MRPL1: variants seen among roughly 807,000 people sequenced by gnomAD.
MRPL1 encodes large ribosomal subunit protein uL1m.
Under a neutral mutation model 38.0 loss-of-function variants are expected in MRPL1, and 28 were observed. The ratio of observed to expected loss-of-function variants is 0.74; its 90% confidence interval spans 0.55 to 1.01. MRPL1 has a LOEUF of 1.01. Among genes scored for constraint, MRPL1 ranks in the 50% least tolerant of loss-of-function variants. The probability of loss-of-function intolerance (pLI) is 0.00; values close to 1 mark genes in which losing one functional copy is unlikely to be tolerated. For missense variants in MRPL1, 358 were observed against 389.8 expected (o/e 0.92, Z 0.69); for synonymous variants, 123 against 126.7 (o/e 0.97, Z 0.20).
chr4:77,886,535 C>T (rs886980384), intron 4 of MRPL1, among the ~76,000 whole-genome samples: 11 of 151,962 alleles, frequency 7.2e-5, no homozygotes, highest in Non-Finnish European at 1.6e-4. Context: ...GGTTTCTCCA[C>T]GTTGGTCAGG....
chr4:77,889,517 C>T (rs1266171928), intron 5 of MRPL1, among the ~76,000 whole-genome samples: 1 of 152,112 alleles, frequency 6.6e-6, no homozygotes, highest in East Asian at 1.9e-4. Flanking sequence ...TAAATGCCCA[C>T]AAGAGAAAGC....
At chr4:77,873,888 AC>A (rs987671286) in intron 2 of MRPL1, among the ~76,000 whole-genome samples, 1 of 152,006 alleles carries the variant, frequency 6.6e-6, no homozygotes, top group African/African-American at 2.4e-5. Flanking sequence ...TCTTCTTCCC[AC>A]CCCATCCTTT....
intron 1 of MRPL1, among the ~76,000 whole-genome samples, chr4:77,869,118 G>A (rs1297782394): frequency 6.6e-6 from 1 of 152,156 alleles, no homozygotes; most frequent in East Asian, 1.9e-4. Flanking sequence ...AGATGGATAC[G>A]ATTCCCTAGG....
intron 7 of MRPL1, among the ~76,000 whole-genome samples, chr4:77,935,793 A>T (rs996503653): frequency 2.0e-5 from 3 of 151,996 alleles, no homozygotes; most frequent in Non-Finnish European, 2.9e-5. Context: ...TTAGCCGGAC[A>T]TGGTGGTGCA....
chr4:77,938,155 G>C (rs182715394), intron 7 of MRPL1, among the ~76,000 whole-genome samples: 613 of 152,304 alleles, frequency 4.0e-3, no homozygotes, highest in Non-Finnish European at 5.7e-3. Flanking sequence ...AGTTTTGTTA[G>C]AATATAACTG....
intron 1 of MRPL1, among the ~76,000 whole-genome samples, chr4:77,869,119 A>G (rs548352133): frequency 6.6e-6 from 1 of 152,320 alleles, no homozygotes; most frequent in Non-Finnish European, 1.5e-5. Context: ...GATGGATACG[A>G]TTCCCTAGGG....
At chr4:77,951,983 A>G (rs1034104868) in intron 8 of MRPL1, among the ~76,000 whole-genome samples, 2 of 152,252 alleles carry the variant, frequency 1.3e-5, no homozygotes, top group African/African-American at 2.4e-5. Context: ...TGGGCAAAGT[A>G]TATGATAATC....
chr4:77,948,404 A>G (rs537070903), intron 7 of MRPL1, among the ~76,000 whole-genome samples: 4 of 152,310 alleles, frequency 2.6e-5, no homozygotes, highest in Non-Finnish European at 1.5e-5. Context: ...TACTTGCTTC[A>G]ATGTAAATTA....
chr4:77,897,007 T>G (rs1434961117), intron 6 of MRPL1, among the ~76,000 whole-genome samples: 1 of 152,230 alleles, frequency 6.6e-6, no homozygotes, highest in African/African-American at 2.4e-5. Context: ...AATTAAAACT[T>G]TTTTATTTCT....
chr4:77,873,647 G>C (rs1047343896), intron 2 of MRPL1, among the ~76,000 whole-genome samples: 5 of 152,168 alleles, frequency 3.3e-5, no homozygotes, highest in Admixed American at 2.0e-4. Context: ...TTGAGCATCT[G>C]CTGTAGGCCT....
At chr4:77,867,921 T>G (rs908545251) in intron 1 of MRPL1, among the ~76,000 whole-genome samples, 3 of 151,824 alleles carry the variant, frequency 2.0e-5, no homozygotes, top group Admixed American at 1.3e-4. Context: ...CATGCCTGGC[T>G]AATTTTTTGT....
chr4:77,921,744 A>G (rs1736585188), intron 7 of MRPL1, among the ~76,000 whole-genome samples: 1 of 151,786 alleles, frequency 6.6e-6, no homozygotes, highest in South Asian at 2.1e-4. Flanking sequence ...ACTTGCTTTT[A>G]TTTGAATAGA....
chr4:77,930,471 G>A (rs1416289952), intron 7 of MRPL1, among the ~76,000 whole-genome samples: 2 of 152,246 alleles, frequency 1.3e-5, no homozygotes, highest in Non-Finnish European at 2.9e-5. Flanking sequence ...GCATACAAGG[G>A]ATCTAGGTTG....
intron 6 of MRPL1, chr4:77,908,248 T>G (rs1480479642): frequency 1.2e-5 from 2 of 169,614 alleles, no homozygotes; most frequent in African/African-American, 4.8e-5. Context: ...TATTATTTTT[T>G]TTTTTTGACA....
intron 7 of MRPL1, among the ~76,000 whole-genome samples, chr4:77,921,611 G>C (rs766389140): frequency 1.3e-5 from 2 of 152,110 alleles, no homozygotes; most frequent in Non-Finnish European, 2.9e-5. Flanking sequence ...AGAAAAACAT[G>C]CTCAAAAAGT....
chr4:77,902,329 G>A (rs1235784829), intron 6 of MRPL1, among the ~76,000 whole-genome samples: 4 of 149,688 alleles, frequency 2.7e-5, no homozygotes, highest in Non-Finnish European at 5.9e-5. Flanking sequence ...CTCTATGATT[G>A]TGCCTGTGCA....
chr4:77,900,119 A>G (rs192642642), intron 6 of MRPL1, among the ~76,000 whole-genome samples: 1 of 152,334 alleles, frequency 6.6e-6, no homozygotes, highest in South Asian at 2.1e-4. Context: ...GTGGGCCACT[A>G]TGATTATCAT....
chr4:77,940,443 T>C (rs1445945251), intron 7 of MRPL1, among the ~76,000 whole-genome samples: 2 of 152,218 alleles, frequency 1.3e-5, no homozygotes, highest in Non-Finnish European at 2.9e-5. Flanking sequence ...AGGAGCTTTT[T>C]GAAGGAGTCT....
intron 1 of MRPL1, 40 bp downstream of exon 1, chr4:77,862,919 C>CA: frequency 1.2e-6 from 2 of 1,613,438 alleles, no homozygotes; most frequent in Non-Finnish European, 1.7e-6. Context: ...ATGGCTCTGG[C>CA]ACCGAGTCTC....
Sources: allele counts gnomAD v4.1 joint callset (sites outside exome capture counted in the v4.1 genomes callset), GRCh38; gene constraint gnomAD v4.1.1; transcripts MANE v1.5; gene names NCBI Gene and HGNC (gene_info 2026-07-23, HGNC 2026-07-21).